Variants in SAMD5 observed in about 807,000 individuals in gnomAD.
SAMD5 encodes the protein sterile alpha motif domain containing 5.
SAMD5 carries 13 observed loss-of-function variants against 11.3 expected under a neutral mutation model. That is an observed-to-expected ratio of 1.15 (90% CI 0.75 to 1.83). The LOEUF (loss-of-function observed/expected upper bound fraction) is 1.83, where lower values mean the gene tolerates loss of function less well. Ranked by LOEUF, SAMD5 falls within the 40% of genes most tolerant of loss-of-function variation. The pLI, the probability that SAMD5 is intolerant of heterozygous loss-of-function variation, is 0.00. For missense variants in SAMD5, 255 were observed against 239.1 expected, an observed-to-expected ratio of 1.07 and a Z score of -0.44; for synonymous variants, 129 against 111.3, an observed-to-expected ratio of 1.16 and a Z score of -1.00.
the SAMD5 span, among the ~76,000 whole-genome samples, chr6:147,851,164 A>C: frequency 4.6e-5 from 7 of 151,762 alleles, no homozygotes; most frequent in African/African-American, 1.7e-4. Flanking sequence ...GGCTGGTCTC[A>C]AACTCCTGAC....
At chr6:147,875,983 C>A in the SAMD5 span, among the ~76,000 whole-genome samples, 5 of 152,178 alleles carry the variant, frequency 3.3e-5, no homozygotes, top group Non-Finnish European at 7.3e-5. Context: ...ATCCCCTTGT[C>A]CCCTGGTCCG....
At chr6:147,618,425 T>G (rs1269086920) in intron 1 of SAMD5, among the ~76,000 whole-genome samples, 1 of 151,944 alleles carries the variant, frequency 6.6e-6, no homozygotes. Flanking sequence ...TTCCCAGAGA[T>G]TGGGAGGAAG....
intron 1 of SAMD5, among the ~76,000 whole-genome samples, chr6:147,595,970 G>C (rs1562329299): frequency 6.6e-6 from 1 of 152,122 alleles, no homozygotes; most frequent in Non-Finnish European, 1.5e-5. Context: ...ATGAATGTGG[G>C]ATAGACTTTT....
the SAMD5 span, among the ~76,000 whole-genome samples, chr6:147,884,547 C>A: frequency 1.3e-5 from 2 of 152,174 alleles, no homozygotes; most frequent in Non-Finnish European, 2.9e-5. Context: ...CTTTCAAATT[C>A]TCTAAAGCAC....
At chr6:147,692,329 G>T (rs796226179) in intron 1 of SAMD5, 2 of 152,096 alleles carry the variant, frequency 1.3e-5, no homozygotes, top group African/African-American at 4.8e-5. Context: ...ATCTAATCCT[G>T]GTCTTGATAC....
intron 1 of SAMD5, among the ~76,000 whole-genome samples, chr6:147,533,597 A>G (rs1192541279): frequency 1.3e-5 from 2 of 152,118 alleles, no homozygotes; most frequent in Non-Finnish European, 2.9e-5. Flanking sequence ...CCAGGAGTCC[A>G]GCCGAATGAG....
At chr6:147,923,547 T>A in the SAMD5 span, among the ~76,000 whole-genome samples, 2 of 152,210 alleles carry the variant, frequency 1.3e-5, no homozygotes, top group Non-Finnish European at 2.9e-5. Flanking sequence ...TCGGTTTAGA[T>A]TTTGGTCTTA....
the SAMD5 span, among the ~76,000 whole-genome samples, chr6:147,832,287 A>C: frequency 1.3e-5 from 2 of 152,200 alleles, no homozygotes; most frequent in African/African-American, 4.8e-5. Flanking sequence ...AGGGGCAGGC[A>C]TGAGTGTTCA....
chr6:147,915,286 G>A, the SAMD5 span, among the ~76,000 whole-genome samples: 1 of 152,170 alleles, frequency 6.6e-6, no homozygotes, highest in Non-Finnish European at 1.5e-5. Context: ...AGTACATAAT[G>A]ATACATAATT....
In SAMD5 at chr6:147,668,860, A is replaced by G. The variant is rs10214633; in HGVS notation, c.163-68457A>G. 1.8e-4 allele frequency among the ~76,000 whole-genome samples: 28 copies of G among 152,290 alleles called. No homozygotes were observed. In the East Asian group the frequency reaches 2.9e-3, roughly 16 times the overall value. ...AGAAACAAAAAACAAAGTTATATCTATACTAGACTGTAGTCTAGTAAGTGT... is the reference window on the plus strand; with the variant it reads ...AGAAACAAAAAACAAAGTTATATCTGTACTAGACTGTAGTCTAGTAAGTGT... On this transcript the variant is annotated intron_variant, in intron 1 of 1. Coordinates refer to the SAMD5 transcript ENST00000566741.
chr6:147,554,705 T>C lies in SAMD5; in HGVS notation c.460-9689T>C, dbSNP rs190898337. ...TCCCAGTTCCTTGGACTGAGCCAGA[T>C]GAGAGCCAGAAGGGTGAATGTGGAG... On this transcript the variant is annotated intron_variant, in intron 1 of 1. Coordinates refer to ENST00000367474, the MANE Select transcript of SAMD5 (RefSeq NM_001030060.3). 3.9e-3 allele frequency among the ~76,000 whole-genome samples: 601 copies of C among 152,252 alleles called. 2 individuals are homozygous for C. Among genetic ancestry groups the C allele is most frequent in the Non-Finnish European group, 6.7e-3 (457 of 68,002 alleles).
chr6:147,843,480 A>AT, the SAMD5 span, among the ~76,000 whole-genome samples: 8 of 151,914 alleles, frequency 5.3e-5, no homozygotes, highest in South Asian at 2.1e-4. Flanking sequence ...CTTCACAGAA[A>AT]TTTTTTTTTA....
At position 147,671,889 on chromosome 6, in the gene SAMD5, ATTTTTTTTTTT is replaced by A. The variant is rs56865442; in HGVS notation, c.163-65415_163-65405del. ...TTTCTTCTCATTTTTCTTTTTCAGG[ATTTTTTTTTTT>A]TTTTTTTTTTTTAGCTCATCTTGCA... On this transcript the variant is annotated intron_variant, in intron 1 of 1. Coordinates refer to the SAMD5 transcript ENST00000566741. Among the ~76,000 whole-genome samples, 4 of 98,062 alleles carry A rather than the reference ATTTTTTTTTTT, an allele frequency of 4.1e-5. No individual in the cohort carries two copies. In the East Asian group the frequency reaches 1.2e-3, roughly 29 times the overall value. 64.3% of individuals were successfully genotyped at this position (98,062 alleles called of 152,430 possible). A position where few individuals can be genotyped will look rare whatever the true frequency, so the allele number is the denominator to read the frequency against.
chr6:147,739,841 A>T (rs1340157123), downstream of SAMD5, among the ~76,000 whole-genome samples: 2 of 152,076 alleles, frequency 1.3e-5, no homozygotes, highest in African/African-American at 4.8e-5. Flanking sequence ...TTTTTCCTAG[A>T]TGGAGGCTTG....
At chr6:147,873,891 T>C in the SAMD5 span, among the ~76,000 whole-genome samples, 1 of 152,212 alleles carries the variant, frequency 6.6e-6, no homozygotes, top group Non-Finnish European at 1.5e-5. Context: ...TATTTTATGA[T>C]GCATCACCAA....
the SAMD5 span, among the ~76,000 whole-genome samples, chr6:147,870,840 A>G: frequency 6.6e-6 from 1 of 150,458 alleles, no homozygotes; most frequent in South Asian, 2.1e-4. Flanking sequence ...GGGAGGGAGG[A>G]AGGAAGGAAA....
chr6:147,565,872 G>A lies in SAMD5; in HGVS notation c.*1416G>A. On this transcript the variant is annotated 3_prime_UTR_variant, in exon 2 of 2. Coordinates refer to ENST00000367474, the MANE Select transcript of SAMD5 (RefSeq NM_001030060.3). ...ATGTTGACGTACAACTGGCTCCTGA[G>A]GCTGTCAATTGTTTAGAGCTCCCAA... 3 of 985,374 alleles carry A rather than the reference G, an allele frequency of 3.0e-6. No individual in the cohort carries two copies. Among genetic ancestry groups the A allele is most frequent in the Non-Finnish European group, 3.6e-6 (3 of 829,886 alleles). The allele number at this position is 985,374 out of a possible 1,614,324, so 61.0% of individuals were successfully genotyped here. A position where few individuals can be genotyped will look rare whatever the true frequency, so the allele number is the denominator to read the frequency against.
chr6:147,649,811 A>G (rs2128453214), intron 1 of SAMD5, among the ~76,000 whole-genome samples: 1 of 149,540 alleles, frequency 6.7e-6, no homozygotes, highest in African/African-American at 2.5e-5. Context: ...AAAAAAAAGT[A>G]CCAACAGGTG....
At chr6:147,537,737 C>T (rs1276905138) in intron 1 of SAMD5, among the ~76,000 whole-genome samples, 1 of 144,576 alleles carries the variant, frequency 6.9e-6, no homozygotes, top group Non-Finnish European at 1.5e-5. Context: ...GCCTGGGTGA[C>T]AGAGAGAGAC....
Sources: gnomAD v4.1 joint callset for allele counts (sites outside exome capture counted in the v4.1 genomes callset) on GRCh38, gnomAD v4.1.1 for gene constraint, MANE v1.5 for transcripts, NCBI Gene and HGNC (gene_info 2026-07-23, HGNC 2026-07-21) for gene names.